Variants in LEPROT observed in about 807,000 individuals in gnomAD.
The protein encoded by LEPROT is leptin receptor overlapping transcript.
LEPROT carries 3 observed loss-of-function variants against 15.4 expected under a neutral mutation model. The ratio of observed to expected loss-of-function variants is 0.19; its 90% CI spans 0.09 to 0.50. LEPROT has a LOEUF of 0.50. Ranked by LOEUF, LEPROT falls within the 20% of genes least tolerant of loss-of-function variation. The pLI is 0.97. For synonymous variants in LEPROT, 59 were observed against 57.5 expected (o/e 1.03, Z -0.12); for missense variants, 137 against 162.2 (o/e 0.84, Z 0.84).
At position 65,433,215 on chromosome 1, in the gene LEPROT, C is replaced by T. The variant is rs993482849; in HGVS notation, c.*1296C>T. 3.5e-5 allele frequency: 34 copies of T among 985,286 alleles called. No individual in the cohort carries two copies. The highest frequency in any genetic ancestry group is 4.7e-5 in the South Asian group (1 of 21,288). The allele number at this position is 985,286 out of a possible 1,614,324, so 61.0% of individuals were successfully genotyped here. ...GTTCTGGTTTGCCCTGACTTCTCTA[C>T]GGCTCTGGCTTCTTCCCGAAGAGAT... On this transcript the variant is annotated 3_prime_UTR_variant, in exon 4 of 4. Transcript: ENST00000371065.
intron 2 of LEPROT, among the ~76,000 whole-genome samples, chr1:65,426,059 T>C (rs1331891179): frequency 7.1e-6 from 1 of 140,430 alleles, no homozygotes; most frequent in Non-Finnish European, 1.5e-5. Context: ...CTGTCAGAGG[T>C]AGAAATGGTA....
At position 65,433,070 on chromosome 1, in the gene LEPROT, G is replaced by A. The variant is rs186487517; in HGVS notation, c.*1151G>A. 202 of 985,380 alleles carry A rather than the reference G, an allele frequency of 2.0e-4. 3 individuals are homozygous for A. In the African/African-American group the frequency reaches 3.2e-3, roughly 15 times the overall value. 61.0% of individuals were successfully genotyped at this position (985,380 alleles called of 1,614,324 possible). On this transcript the variant is annotated 3_prime_UTR_variant, in exon 4 of 4. Transcript: ENST00000371065. The stretch of plus-strand genomic sequence containing the variant: ...AGATGCGGGCAGGGAGGCTGGGCTC[G>A]AGCCAGCCCCTGCGTTAGCAGGAGG...
At position 65,430,001 on chromosome 1, in the gene LEPROT, G is replaced by C; in HGVS notation, c.232G>C (p.Val78Leu). ...ELAYFFTTGI[V>L]VSAFGFPVIL... ...GGCATATTTCTTCACTACTGGAATT[G>C]TTGTTTCTGCCTTTGGATTTCCTGT... The change falls in exon 3 of 4, where the codon GTT becomes CTT. Residue 78 changes from valine (V) to leucine (L), a missense_variant. Transcript: ENST00000371065. The C allele has an allele frequency of 6.4e-7, 1 of 1,572,888 alleles. No individual in the cohort carries two copies. Among genetic ancestry groups the C allele is most frequent in the Admixed American group, 1.7e-5 (1 of 59,310 alleles).
intron 1 of LEPROT, chr1:65,421,573 G>A: frequency 1.7e-6 from 2 of 1,204,686 alleles, no homozygotes; most frequent in Non-Finnish European, 1.2e-6. Flanking sequence ...GTTAACATCT[G>A]CTATAAACAT....
intron 2 of LEPROT, 136 bp downstream of exon 2, chr1:65,425,514 C>A: frequency 1.6e-6 from 1 of 638,388 alleles, no homozygotes; most frequent in Non-Finnish European, 2.6e-6. Flanking sequence ...TGAACACAGT[C>A]CCTTTGTGGG....
Position 65,433,634 on chromosome 1 carries a change from T to C in LEPROT, c.*1715T>C. Reference sequence around the variant, plus strand: ...AATGTGCAACGTTATTTTTTGGCCTTGTTCATGATTTTATGTTTTCAGTGT... The same window carrying C: ...AATGTGCAACGTTATTTTTTGGCCTCGTTCATGATTTTATGTTTTCAGTGT... On this transcript the variant is annotated 3_prime_UTR_variant, in exon 4 of 4. Coordinates refer to ENST00000371065, the MANE Select transcript of LEPROT (RefSeq NM_017526.5). The C allele has an allele frequency of 1.2e-5, 12 of 985,480 alleles. No individual in the cohort carries two copies. The highest frequency in any genetic ancestry group is 1.3e-5 in the Non-Finnish European group (11 of 829,930). The allele number at this position is 985,480 out of a possible 1,614,324, so 61.0% of individuals were successfully genotyped here. A position where few individuals can be genotyped will look rare whatever the true frequency, so the allele number is the denominator to read the frequency against.
chr1:65,421,476 T>C, intron 1 of LEPROT: 1 of 1,536,146 alleles, frequency 6.5e-7, no homozygotes, highest in Non-Finnish European at 8.7e-7. Context: ...AAACATTCCA[T>C]TTCTAATCTG....
Position 65,432,051 on chromosome 1 carries a change from T to C in LEPROT, c.*132T>C. The C allele has an allele frequency of 7.3e-7, 1 of 1,378,018 alleles. No homozygotes were observed. Among genetic ancestry groups the C allele is most frequent in the Middle Eastern group, 2.7e-4 (1 of 3,652 alleles). 85.4% of individuals were successfully genotyped at this position (1,378,018 alleles called of 1,614,324 possible). On this transcript the variant is annotated 3_prime_UTR_variant, in exon 4 of 4. Transcript: ENST00000371065. ...ATACCTTTATATATCATGTTCACTT[T>C]AAGAAAGACTTCATAAGTAGGAGAT...
chr1:65,426,864 G>A (rs561410635), intron 2 of LEPROT, among the ~76,000 whole-genome samples: 163 of 152,204 alleles, frequency 1.1e-3, no homozygotes, highest in Non-Finnish European at 1.9e-3. Context: ...TGGGCGTGGT[G>A]GCACACGCCT....
chr1:65,429,024 T>A (rs1274678805), intron 2 of LEPROT, among the ~76,000 whole-genome samples: 1 of 152,192 alleles, frequency 6.6e-6, no homozygotes, highest in Admixed American at 6.5e-5. Flanking sequence ...TTAACAAGTA[T>A]AAATGGAGTA....
Position 65,433,567 on chromosome 1 carries a change from T to C in LEPROT, c.*1648T>C, listed in dbSNP as rs1646517655. 1.1e-5 allele frequency: 11 copies of C among 985,162 alleles called. No individual in the cohort carries two copies. The highest frequency in any genetic ancestry group is 1.7e-5 in the African/African-American group (1 of 57,248). The allele number at this position is 985,162 out of a possible 1,614,324, so 61.0% of individuals were successfully genotyped here. On this transcript the variant is annotated 3_prime_UTR_variant, in exon 4 of 4. Transcript: ENST00000371065. Reference sequence around the variant, plus strand: ...TTGTGATCTGAGTAATTAGCAGGTATGATGCTGGGACTGGAAAATAGAAAG... The same window carrying C: ...TTGTGATCTGAGTAATTAGCAGGTACGATGCTGGGACTGGAAAATAGAAAG...
chr1:65,421,525 T>A, intron 1 of LEPROT: 1 of 1,525,492 alleles, frequency 6.6e-7, no homozygotes, highest in East Asian at 2.4e-5. Flanking sequence ...TATTGGCTTT[T>A]ATATCATCCT....
intron 3 of LEPROT, 60 bp from the exon 4 acceptor site, chr1:65,431,743 A>G: frequency 6.6e-7 from 1 of 1,521,956 alleles, no homozygotes; most frequent in South Asian, 1.2e-5. Flanking sequence ...AATAATAGGG[A>G]TTGCAAAGAG....
chr1:65,421,576 A>G, intron 1 of LEPROT: 2 of 1,171,410 alleles, frequency 1.7e-6, no homozygotes, highest in Non-Finnish European at 1.2e-6. Context: ...AACATCTGCT[A>G]TAAACATGTA....
At chr1:65,424,644 G>A (rs1462908157) in intron 1 of LEPROT, among the ~76,000 whole-genome samples, 1 of 152,192 alleles carries the variant, frequency 6.6e-6, no homozygotes, top group Non-Finnish European at 1.5e-5. Flanking sequence ...CAAACATTTA[G>A]TTTCCACAGT....
intron 1 of LEPROT, chr1:65,421,238 C>G (rs2101663696): frequency 1.5e-6 from 2 of 1,365,830 alleles, no homozygotes; most frequent in Non-Finnish European, 1.9e-6. Context: ...GGAAAGCACC[C>G]AGAAAGACGG....
Position 65,431,936 on chromosome 1 carries a change from C to T in LEPROT, c.*17C>T. On this transcript the variant is annotated 3_prime_UTR_variant, in exon 4 of 4. Transcript: ENST00000371065. The stretch of plus-strand genomic sequence containing the variant: ...CAGTGGTAGCACTTTATTCTGATTA[C>T]AGTGCATTGAATTTCTTAGAACTCA... 6.2e-7 allele frequency: 1 copy of T among 1,608,764 alleles called. No individual in the cohort carries two copies. Among genetic ancestry groups the T allele is most frequent in the Non-Finnish European group, 8.5e-7 (1 of 1,178,538 alleles).
At position 65,432,079 on chromosome 1, in the gene LEPROT, G is replaced by C; in HGVS notation, c.*160G>C. The C allele has an allele frequency of 7.5e-7, 1 of 1,336,858 alleles. No homozygotes were observed. The highest frequency in any genetic ancestry group is 9.6e-7 in the Non-Finnish European group (1 of 1,045,652). The allele number at this position is 1,336,858 out of a possible 1,614,324, so 82.8% of individuals were successfully genotyped here. ...GAAAGACTTCATAAGTAGGAGATGA[G>C]TTTTATTCTCAGCAAATAGACCTGT... On this transcript the variant is annotated 3_prime_UTR_variant, in exon 4 of 4. Transcript: ENST00000371065.
intron 2 of LEPROT, among the ~76,000 whole-genome samples, chr1:65,428,811 C>G (rs17127618): frequency 0.16 from 24,506 of 151,930 alleles, 2,050 homozygotes; most frequent in South Asian, 0.24. Context: ...AGAGAAAATA[C>G]TGTTGGAAAC....
Sources: gnomAD v4.1 joint callset for allele counts (sites outside exome capture counted in the v4.1 genomes callset) on GRCh38, gnomAD v4.1.1 for gene constraint, MANE v1.5 for transcripts, NCBI Gene and HGNC (gene_info 2026-07-23, HGNC 2026-07-21) for gene names.